MYOM2: variants seen among roughly 807,000 people sequenced by gnomAD.
MYOM2 encodes myomesin 2.
A neutral mutation model predicts 187.6 loss-of-function variants in MYOM2; 254 were observed. The observed-to-expected ratio is 1.35, with a 90% CI of 1.22 to 1.50. The LOEUF is 1.50. Ranked by LOEUF, MYOM2 falls within the 40% of genes most tolerant of loss-of-function variation. The pLI is 0.00. For synonymous variants in MYOM2, 981 were observed against 753.8 expected (o/e 1.30, Z -4.94); for missense variants, 2,796 against 1,924.0 (o/e 1.45, Z -8.48).
chr8:2,131,408 C>A (rs576555383), intron 32 of MYOM2, among the ~76,000 whole-genome samples: 2 of 151,886 alleles, frequency 1.3e-5, no homozygotes, highest in African/African-American at 4.8e-5. Context: ...CTCATCAGTG[C>A]TCTCCCGAGA....
At chr8:2,053,680 G>C (rs1818564283) in intron 3 of MYOM2, among the ~76,000 whole-genome samples, 1 of 152,334 alleles carries the variant, frequency 6.6e-6, no homozygotes, top group East Asian at 1.9e-4. Context: ...GAAGGGATTT[G>C]AGTGACTGGT....
At position 2,108,832 on chromosome 8, in the gene MYOM2, T is replaced by C. The variant is rs1438982318; in HGVS notation, c.3043+2T>C. ...TGAGCAATGAAATAAAGAACCCCAG[T>C]AAGTAAGCCTCCAGCCCTTCCCCTC... On this transcript the variant is annotated splice_donor_variant, in intron 24 of 36. Transcript: ENST00000262113. LOFTEE classifies it high-confidence loss of function. 6.2e-7 allele frequency: 1 copy of C among 1,613,768 alleles called. No individual in the cohort carries two copies. The highest frequency in any genetic ancestry group is 1.7e-5 in the Admixed American group (1 of 59,958).
chr8:2,090,114 G>A lies in MYOM2; in HGVS notation c.1751G>A (p.Arg584Gln), dbSNP rs1274526609. ...DLMEGKSYVF[R>Q]VLSANRHGLS... ...ATGGAAGGGAAGTCTTATGTGTTCC[G>A]AGTGCTGTCAGCAAACCGGCATGGC... Residue 584 changes from arginine to glutamine, a missense_variant, in exon 15 of 37, where the codon CGA becomes CAA. Transcript: ENST00000262113. 10 of 1,614,054 alleles carry A rather than the reference G, an allele frequency of 6.2e-6. No homozygotes were observed. Among genetic ancestry groups the A allele is most frequent in the South Asian group, 3.3e-5 (3 of 91,064 alleles).
chr8:2,050,687 T>C, intron 1 of MYOM2, 68 bp from the exon 2 acceptor site: 3 of 916,082 alleles, frequency 3.3e-6, no homozygotes, highest in Non-Finnish European at 5.3e-6. Flanking sequence ...TTTGGAATGA[T>C]GCAGAAATGG....
Position 2,123,228 on chromosome 8 carries a change from AAACTT to A in MYOM2, c.3454-21_3454-17del. On this transcript the variant is annotated intron_variant, in intron 28 of 36. Coordinates refer to ENST00000262113, the MANE Select transcript of MYOM2 (RefSeq NM_003970.4). Reference sequence around the variant, plus strand: ...CATGAGTCAGAATGATTTACACACTAAACTTAAGCTTTCTACCTCACAGGTTGCAA... The same window carrying A: ...CATGAGTCAGAATGATTTACACACTAAAGCTTTCTACCTCACAGGTTGCAA... 1 of 1,493,008 alleles carries A rather than the reference AAACTT, an allele frequency of 6.7e-7. No homozygotes were observed. The highest frequency in any genetic ancestry group is 1.2e-5 in the South Asian group (1 of 85,902). 92.5% of individuals were successfully genotyped at this position (1,493,008 alleles called of 1,614,324 possible). A position where few individuals can be genotyped will look rare whatever the true frequency, so the allele number is the denominator to read the frequency against.
At chr8:2,132,595 C>G (rs1353594085) in intron 32 of MYOM2, among the ~76,000 whole-genome samples, 1 of 114,870 alleles carries the variant, frequency 8.7e-6, no homozygotes, top group South Asian at 3.1e-4. Flanking sequence ...CTCTCTCTCT[C>G]TCTTTTTTTG....
chr8:2,074,129 G>T (rs1049025044), intron 10 of MYOM2, among the ~76,000 whole-genome samples: 6 of 152,158 alleles, frequency 3.9e-5, no homozygotes, highest in Admixed American at 1.3e-4. Flanking sequence ...TGAAAAGAAA[G>T]ACAATATTTG....
At chr8:2,053,428 G>T (rs1483202688) in intron 3 of MYOM2, among the ~76,000 whole-genome samples, 4 of 152,032 alleles carry the variant, frequency 2.6e-5, no homozygotes, top group African/African-American at 9.7e-5. Flanking sequence ...TAGGTTTTGG[G>T]GGCTACAATA....
At chr8:2,097,379 G>C (rs1410189224) in intron 18 of MYOM2, among the ~76,000 whole-genome samples, 1 of 152,006 alleles carries the variant, frequency 6.6e-6, no homozygotes. Flanking sequence ...AATAATAATT[G>C]TACGTATGGG....
chr8:2,136,375 G>A (rs1434091711), intron 32 of MYOM2, among the ~76,000 whole-genome samples: 1 of 152,296 alleles, frequency 6.6e-6, no homozygotes, highest in East Asian at 1.9e-4. Context: ...CCAGAAGCAT[G>A]TGGGGTGCCA....
chr8:2,118,632 G>T (rs1272820922), intron 28 of MYOM2, among the ~76,000 whole-genome samples: 6 of 152,198 alleles, frequency 3.9e-5, no homozygotes, highest in African/African-American at 1.4e-4. Flanking sequence ...GTTCTAGGAA[G>T]ATCCAGCAGC....
intron 6 of MYOM2, among the ~76,000 whole-genome samples, chr8:2,068,750 G>A (rs113983874): frequency 5.6e-4 from 85 of 152,328 alleles, no homozygotes; most frequent in African/African-American, 2.0e-3. Flanking sequence ...AACGGCTCCT[G>A]CATGGAATGG....
At chr8:2,047,207 G>T (rs1343237334) in intron 1 of MYOM2, among the ~76,000 whole-genome samples, 1 of 152,184 alleles carries the variant, frequency 6.6e-6, no homozygotes, top group South Asian at 2.1e-4. Flanking sequence ...GCCCTGTGCT[G>T]CCAGGGCTGC....
intron 30 of MYOM2, 69 bp from the exon 31 acceptor site, chr8:2,124,110 A>G: frequency 1.4e-6 from 2 of 1,445,468 alleles, no homozygotes; most frequent in Non-Finnish European, 1.9e-6. Flanking sequence ...CGATTTAATT[A>G]AACATTGAAA....
intron 17 of MYOM2, 44 bp from the exon 18 acceptor site, chr8:2,096,203 C>A: frequency 6.3e-7 from 1 of 1,584,666 alleles, no homozygotes; most frequent in Non-Finnish European, 8.6e-7. Context: ...GACAAAGCCC[C>A]CAGCTGAGGC....
At position 2,106,575 on chromosome 8, in the gene MYOM2, C is replaced by T; in HGVS notation, c.2976C>T (p.Ser992=). Residue 992 remains serine, a synonymous_variant, in exon 23 of 37, where the codon TCC becomes TCT. Transcript: ENST00000262113. The stretch of plus-strand genomic sequence containing the variant: ...TAAGTGATACAGACGGAGTGTCCTC[C>T]AGTTTTGTTCTGGACCCAGAAGGTA... ...VSVSDTDGVS[S]SFVLDPEELE... 3 of 1,607,176 alleles carry T rather than the reference C, an allele frequency of 1.9e-6. No individual in the cohort carries two copies. Among genetic ancestry groups the T allele is most frequent in the Non-Finnish European group, 2.6e-6 (3 of 1,174,282 alleles).
intron 3 of MYOM2, among the ~76,000 whole-genome samples, chr8:2,054,890 T>A (rs1273553514): frequency 7.8e-6 from 1 of 127,778 alleles, no homozygotes; most frequent in Non-Finnish European, 1.9e-5. Context: ...ACCTGGATAC[T>A]GGGGAACCAA....
At chr8:2,079,441 G>C in intron 12 of MYOM2, 119 bp from the exon 13 acceptor site, 8 of 928,366 alleles carry the variant, frequency 8.6e-6, no homozygotes, top group Non-Finnish European at 1.2e-5. Flanking sequence ...TGCCCCCAGA[G>C]GACTCACAGG....
At chr8:2,127,199 C>CT (rs771664055) in intron 31 of MYOM2, among the ~76,000 whole-genome samples, 4 of 152,022 alleles carry the variant, frequency 2.6e-5, no homozygotes, top group Non-Finnish European at 4.4e-5. Context: ...TTCCCAAGCT[C>CT]TTTTTCAAGT....
Sources: allele counts gnomAD v4.1 joint callset (sites outside exome capture counted in the v4.1 genomes callset), GRCh38; gene constraint gnomAD v4.1.1; transcripts MANE v1.5; gene names NCBI Gene and HGNC (gene_info 2026-07-23, HGNC 2026-07-21).